ULK1: variants seen among roughly 807,000 people sequenced by gnomAD.
ULK1 encodes unc-51 like autophagy activating kinase 1.
Under a neutral mutation model 117.5 loss-of-function variants are expected in ULK1, and 48 were observed. The ratio of observed to expected loss-of-function variants is 0.41; its 90% CI spans 0.32 to 0.52. The LOEUF is 0.52. Ranked by LOEUF, ULK1 falls within the 20% of genes least tolerant of loss-of-function variation. The pLI, the probability that ULK1 is intolerant of heterozygous loss-of-function variation, is 0.29. For missense variants in ULK1, 1,387 were observed against 1,473.4 expected, an observed-to-expected ratio of 0.94 and a Z score of 0.96; for synonymous variants, 790 against 637.8, an observed-to-expected ratio of 1.24 and a Z score of -3.60.
chr12:131,907,568 G>C, intron 5 of ULK1, 37 bp downstream of exon 5: 1 of 1,599,038 alleles, frequency 6.3e-7, no homozygotes, highest in South Asian at 1.1e-5. Flanking sequence ...CTGCCAGCCG[G>C]TCCCACAGGG....
intron 16 of ULK1, among the ~76,000 whole-genome samples, chr12:131,914,710 G>C (rs1421323119): frequency 6.6e-6 from 1 of 152,226 alleles, no homozygotes; most frequent in Non-Finnish European, 1.5e-5. Flanking sequence ...ATTGACTTTG[G>C]CCAGTTTTAA....
chr12:131,909,762 C>T lies in ULK1; in HGVS notation c.667-13C>T. Reference sequence around the variant, plus strand: ...CCGCAGCCCTGGCAGTCAGGCTGTCCCCGTCCCCGCAGGCCAGCAGCCCCC... The same window carrying T: ...CCGCAGCCCTGGCAGTCAGGCTGTCTCCGTCCCCGCAGGCCAGCAGCCCCC... On this transcript the variant is annotated splice_polypyrimidine_tract_variant and intron_variant, in intron 8 of 27. Transcript: ENST00000321867. The T allele has an allele frequency of 6.3e-7, 1 of 1,595,334 alleles. No individual in the cohort carries two copies. Among genetic ancestry groups the T allele is most frequent in the Non-Finnish European group, 8.5e-7 (1 of 1,171,146 alleles).
At chr12:131,919,447 C>T in intron 24 of ULK1, 25 bp from the exon 25 acceptor site, 1 of 1,603,996 alleles carries the variant, frequency 6.2e-7, no homozygotes, top group Non-Finnish European at 8.5e-7. Context: ...CAACCGGCCT[C>T]CTCTGATCTG....
rs1020396433 is a variant in ULK1, at chr12:131,902,248, C to T, written c.247-4644C>T. 1.3e-5 allele frequency among the ~76,000 whole-genome samples: 2 copies of T among 152,184 alleles called. No individual in the cohort carries two copies. The highest frequency in any genetic ancestry group is 2.9e-5 in the Non-Finnish European group (2 of 68,020). On this transcript the variant is annotated intron_variant, in intron 3 of 27. Coordinates refer to ENST00000321867, the MANE Select transcript of ULK1 (RefSeq NM_003565.4). This position sits in a 1 kb window ranked among gnomAD's most constrained non-coding sequence, Gnocchi z 6.3. ...GTCCAGCCACAGCTGTGGCTTTTGCCACTTTCCGGAGCCAGCTCTGGAGGT... is the reference window on the plus strand; with the variant it reads ...GTCCAGCCACAGCTGTGGCTTTTGCTACTTTCCGGAGCCAGCTCTGGAGGT...
Position 131,915,871 on chromosome 12 carries a change from C to G in ULK1, c.1610-20C>G. 6.2e-7 allele frequency: 1 copy of G among 1,606,652 alleles called. No individual in the cohort carries two copies. Among genetic ancestry groups the G allele is most frequent in the Non-Finnish European group, 8.5e-7 (1 of 1,179,556 alleles). Reference sequence around the variant, plus strand: ...GGGCCGCCGGACCGGAAGGTCGTGACGAGGCGTGTCTCTCTCTAGGCTCCT... The same window carrying G: ...GGGCCGCCGGACCGGAAGGTCGTGAGGAGGCGTGTCTCTCTCTAGGCTCCT... On this transcript the variant is annotated intron_variant, in intron 18 of 27. Coordinates refer to ENST00000321867, the MANE Select transcript of ULK1 (RefSeq NM_003565.4).
Position 131,917,531 on chromosome 12 carries a change from GC to G in ULK1, c.2308del (p.Arg770AlafsTer54). ...SPPSGSTPPQ[G>X]PRTRMFSAGP... is the part of the protein sequence containing the mutation. ...CCGAGCGGGAGCACGCCCCCCCAGG[GC>G]CCCCGCACCAGGATGTTCTCAGGTG... On this transcript the variant is annotated frameshift_variant, in exon 22 of 28. Coordinates refer to ENST00000321867, the MANE Select transcript of ULK1 (RefSeq NM_003565.4). LOFTEE classifies it high-confidence loss of function. 1.4e-6 allele frequency: 2 copies of G among 1,446,228 alleles called. No homozygotes were observed. The highest frequency in any genetic ancestry group is 1.8e-6 in the Non-Finnish European group (2 of 1,095,530). The allele number at this position is 1,446,228 out of a possible 1,614,324, so 89.6% of individuals were successfully genotyped here. A position where few individuals can be genotyped will look rare whatever the true frequency, so the allele number is the denominator to read the frequency against.
Position 131,917,430 on chromosome 12 carries a change from A to G in ULK1, c.2202A>G (p.Gly734=). Residue 734 remains glycine, a synonymous_variant, in exon 22 of 28, where the codon GGA becomes GGG. Transcript: ENST00000321867. Reference sequence around the variant, plus strand: ...TCCCAGCACCCTCAGCTGGCTTTGGAGGGAGCCTGCACCCAGGAGCCCGTG... The same window carrying G: ...TCCCAGCACCCTCAGCTGGCTTTGGGGGGAGCCTGCACCCAGGAGCCCGTG... The part of the protein sequence containing the change: ...PMEIAPSAGF[G]GSLHPGARAG... 1 of 1,536,346 alleles carries G rather than the reference A, an allele frequency of 6.5e-7. No individual in the cohort carries two copies. The highest frequency in any genetic ancestry group is 8.7e-7 in the Non-Finnish European group (1 of 1,143,074).
intron 3 of ULK1, among the ~76,000 whole-genome samples, chr12:131,900,525 C>A (rs1388940152): frequency 2.0e-5 from 3 of 152,202 alleles, no homozygotes; most frequent in Non-Finnish European, 2.9e-5. Context: ...TTGCCTGGCC[C>A]CAGGAGTGCG....
In ULK1 at chr12:131,913,255, GT is replaced by G. The variant is rs1889621099; in HGVS notation, c.1155del (p.Ser385ArgfsTer262). On this transcript the variant is annotated frameshift_variant and splice_region_variant, in exon 14 of 28. Coordinates refer to ENST00000321867, the MANE Select transcript of ULK1 (RefSeq NM_003565.4). LOFTEE classifies it high-confidence loss of function. ...AKPPPDSLMCSGSSLVASAGL... is the reference protein window; with the variant it reads ...AKPPPDSLMCXGSSLVASAGL... ...CCCCCGCCAGACAGCCTGATGTGCA[GT>G]GGGTGAGCCCCCATCCCTTACCTCT... The G allele has an allele frequency of 6.3e-7, 1 of 1,587,162 alleles. No individual in the cohort carries two copies. The highest frequency in any genetic ancestry group is 1.4e-5 in the African/African-American group (1 of 73,080).
chr12:131,919,462 C>T lies in ULK1; in HGVS notation c.2685-10C>T, dbSNP rs758577046. On this transcript the variant is annotated splice_polypyrimidine_tract_variant and intron_variant, in intron 24 of 27. Coordinates refer to ENST00000321867, the MANE Select transcript of ULK1 (RefSeq NM_003565.4). ...CAACCGGCCTCCTCTGATCTGCCTG[C>T]CGCCCCCAGCTTCGCGGAACAGCTG... 6 of 1,607,646 alleles carry T rather than the reference C, an allele frequency of 3.7e-6. No homozygotes were observed. The Admixed American group carries it at 5.0e-5, about 13-fold the overall frequency.
chr12:131,921,651 G>A lies in ULK1; in HGVS notation c.*290G>A. ...CAGGCGTGGGTGCCACCACCCTCTA[G>A]CCCCAGGGCAGCCCCGGAGGACAGG... On this transcript the variant is annotated 3_prime_UTR_variant, in exon 28 of 28. Coordinates refer to ENST00000321867, the MANE Select transcript of ULK1 (RefSeq NM_003565.4). 6 of 605,980 alleles carry A rather than the reference G, an allele frequency of 9.9e-6. No individual in the cohort carries two copies. In the South Asian group the frequency reaches 1.1e-4, roughly 12 times the overall value. 37.5% of individuals were successfully genotyped at this position (605,980 alleles called of 1,614,324 possible).
Position 131,918,625 on chromosome 12 carries a change from C to T in ULK1, c.2455C>T (p.Leu819=), listed in dbSNP as rs758825450. 11 of 1,610,172 alleles carry T rather than the reference C, an allele frequency of 6.8e-6. No homozygotes were observed. The highest frequency in any genetic ancestry group is 8.5e-6 in the Non-Finnish European group (10 of 1,178,746). The change falls in exon 23 of 28, where the codon CTG becomes TTG. Residue 819 remains leucine (L), a synonymous_variant. Coordinates refer to ENST00000321867, the MANE Select transcript of ULK1 (RefSeq NM_003565.4). ...CTTTGCCGACCCCATTACTGCGAACCTGGAGGGGGCTGTGACCTTCGAGGC... is the reference window on the plus strand; with the variant it reads ...CTTTGCCGACCCCATTACTGCGAACTTGGAGGGGGCTGTGACCTTCGAGGC... The part of the protein sequence containing the change: ...CSFADPITAN[L]EGAVTFEAPD...
At chr12:131,911,093 C>T (rs1443199387) in intron 12 of ULK1, among the ~76,000 whole-genome samples, 1 of 152,168 alleles carries the variant, frequency 6.6e-6, no homozygotes, top group African/African-American at 2.4e-5. Context: ...CCCACTGACA[C>T]CTGCACCCCT....
At chr12:131,905,598 G>A (rs944202739) in intron 3 of ULK1, among the ~76,000 whole-genome samples, 1 of 152,168 alleles carries the variant, frequency 6.6e-6, no homozygotes, top group African/African-American at 2.4e-5. Context: ...GTGTGGAAAG[G>A]GCTTCCTCCT....
rs766313064 is a variant in ULK1, at chr12:131,915,133, G to C, written c.1424G>C (p.Arg475Thr). The change falls in exon 17 of 28, where the codon AGG (arginine) becomes ACG (threonine). Residue 475 changes from arginine to threonine, a missense_variant. Coordinates refer to ENST00000321867, the MANE Select transcript of ULK1 (RefSeq NM_003565.4). ...AGCACCAGCCCCCTGGGCTTTGCAA[G>C]GGCCAGCCCCTCGCCCCCTGCCCAC... is the stretch of plus-strand genomic sequence containing the variant. The part of the protein sequence containing the change: ...SGSTSPLGFA[R>T]ASPSPPAHAE... 55 of 1,598,968 alleles carry C rather than the reference G, an allele frequency of 3.4e-5. No homozygotes were observed. Among genetic ancestry groups the C allele is most frequent in the South Asian group, 2.0e-4 (18 of 89,434 alleles).
chr12:131,909,786 C>G lies in ULK1; in HGVS notation c.678C>G (p.Pro226=). Residue 226 remains proline, a synonymous_variant, in exon 9 of 28, where the codon CCC becomes CCG. Transcript: ENST00000321867. ...TGKAPFQASS[P]QDLRLFYEKN... ...CCCCGTCCCCGCAGGCCAGCAGCCC[C>G]CAGGACCTGCGCCTGTTCTACGAGA... 1 of 1,609,188 alleles carries G rather than the reference C, an allele frequency of 6.2e-7. No individual in the cohort carries two copies. Among genetic ancestry groups the G allele is most frequent in the Middle Eastern group, 1.7e-4 (1 of 6,050 alleles).
At position 131,907,656 on chromosome 12, in the gene ULK1, CTCTT is replaced by C. The variant is rs931689979; in HGVS notation, c.316+130_316+133del. ...GGTCCTTGGCTCATTGTGAGATTGG[CTCTT>C]TCTTGTCCCCCTGGGCCTCTTGAGG... On this transcript the variant is annotated intron_variant, in intron 5 of 27. Coordinates refer to ENST00000321867, the MANE Select transcript of ULK1 (RefSeq NM_003565.4). 6 of 1,224,912 alleles carry C rather than the reference CTCTT, an allele frequency of 4.9e-6. No homozygotes were observed. In the African/African-American group the frequency reaches 9.2e-5, roughly 19 times the overall value. The allele number at this position is 1,224,912 out of a possible 1,614,324, so 75.9% of individuals were successfully genotyped here.
intron 3 of ULK1, among the ~76,000 whole-genome samples, chr12:131,900,114 CAAAAA>C (rs55658532): frequency 5.7e-5 from 4 of 70,122 alleles, no homozygotes; most frequent in East Asian, 3.3e-4. Context: ...GAAACTCTCT[CAAAAA>C]AAAAAAAAAA....
At chr12:131,909,710 G>C in intron 8 of ULK1, 65 bp from the exon 9 acceptor site, 2 of 1,462,054 alleles carry the variant, frequency 1.4e-6, no homozygotes, top group South Asian at 2.6e-5. Context: ...CGAACGCACC[G>C]AGACCCCGTG....
Sources: gnomAD v4.1 joint callset for allele counts (sites outside exome capture counted in the v4.1 genomes callset) on GRCh38, gnomAD v4.1.1 for gene constraint, Gnocchi (gnomAD v3.1) non-coding constraint, MANE v1.5 for transcripts, NCBI Gene and HGNC (gene_info 2026-07-23, HGNC 2026-07-21) for gene names.